ATF6: variants seen among roughly 807,000 people sequenced by gnomAD.
ATF6 encodes the protein cyclic AMP-dependent transcription factor ATF-6 alpha.
Under a neutral mutation model 83.6 loss-of-function variants are expected in ATF6, and 53 were observed. The ratio of observed to expected loss-of-function variants is 0.63; its 90% CI spans 0.51 to 0.80. The LOEUF is 0.80. ATF6 is among the 30% of genes least tolerant of loss of function. ATF6 has a pLI of 0.00. For synonymous variants in ATF6, 288 were observed against 285.8 expected (o/e 1.01, Z -0.08); for missense variants, 744 against 797.9 (o/e 0.93, Z 0.81).
chr1:161,870,564 GCTAGATCTTTGAGATCAGA>G (rs1029252616), intron 14 of ATF6, among the ~76,000 whole-genome samples: 3 of 151,722 alleles, frequency 2.0e-5, no homozygotes, highest in South Asian at 2.1e-4. Flanking sequence ...TATATGGCGT[GCTAGATCTTTGAGATCAGA>G]AGCATTTGAT....
At chr1:161,898,350 G>C (rs1400318993) in intron 14 of ATF6, among the ~76,000 whole-genome samples, 2 of 152,088 alleles carry the variant, frequency 1.3e-5, no homozygotes, top group Non-Finnish European at 2.9e-5. Context: ...CATGAATATT[G>C]AGACATTTAC....
intron 15 of ATF6, among the ~76,000 whole-genome samples, chr1:161,919,088 C>T (rs942956077): frequency 1.3e-5 from 2 of 152,000 alleles, no homozygotes; most frequent in Non-Finnish European, 2.9e-5. Flanking sequence ...TTCTCCATGC[C>T]AGTTTTATTT....
At chr1:161,814,142 C>T (rs1169892212) in intron 7 of ATF6, among the ~76,000 whole-genome samples, 1 of 152,172 alleles carries the variant, frequency 6.6e-6, no homozygotes, top group Non-Finnish European at 1.5e-5. Context: ...CCTTGGCCTC[C>T]CAAAGTGCTG....
At chr1:161,788,796 T>G (rs916962073) in intron 4 of ATF6, among the ~76,000 whole-genome samples, 3 of 152,164 alleles carry the variant, frequency 2.0e-5, no homozygotes, top group Non-Finnish European at 4.4e-5. Context: ...TTTTCCTAAC[T>G]GTATTGTCTT....
At chr1:161,823,135 TA>T (rs1685804730) in intron 9 of ATF6, among the ~76,000 whole-genome samples, 1 of 152,042 alleles carries the variant, frequency 6.6e-6, no homozygotes, top group Non-Finnish European at 1.5e-5. Flanking sequence ...GGTTTATATA[TA>T]CTGATATTTA....
intron 13 of ATF6, among the ~76,000 whole-genome samples, chr1:161,861,509 A>G (rs1488935217): frequency 6.6e-6 from 1 of 152,190 alleles, no homozygotes; most frequent in Non-Finnish European, 1.5e-5. Flanking sequence ...ATATCATTCA[A>G]TTACATTTAT....
rs909915635 is a variant in ATF6, at chr1:161,888,200, G to A, written c.1720-24096G>A. On this transcript the variant is annotated intron_variant, in intron 14 of 15. Coordinates refer to ENST00000367942, the MANE Select transcript of ATF6 (RefSeq NM_007348.4). Reference sequence around the variant, plus strand: ...AGAAAATAATTCCATATAAATGGCTGCATGAATCATTGAAAGAAACTTCCC... The same window carrying A: ...AGAAAATAATTCCATATAAATGGCTACATGAATCATTGAAAGAAACTTCCC... 3.9e-5 allele frequency among the ~76,000 whole-genome samples: 6 copies of A among 152,184 alleles called. No individual in the cohort carries two copies. In the South Asian group the frequency reaches 1.0e-3, roughly 26 times the overall value.
At chr1:161,857,193 C>T (rs1281421927) in intron 12 of ATF6, among the ~76,000 whole-genome samples, 1 of 152,124 alleles carries the variant, frequency 6.6e-6, no homozygotes, top group Non-Finnish European at 1.5e-5. Context: ...CTCATTTCAA[C>T]CTTTTTTTCT....
chr1:161,949,092 T>C (rs978598886), intron 15 of ATF6, among the ~76,000 whole-genome samples: 1 of 152,182 alleles, frequency 6.6e-6, no homozygotes, highest in Non-Finnish European at 1.5e-5. Flanking sequence ...ACAACCTGTC[T>C]CTCCTGAGGC....
intron 14 of ATF6, among the ~76,000 whole-genome samples, chr1:161,872,171 C>T (rs888937650): frequency 2.0e-5 from 3 of 151,432 alleles, no homozygotes; most frequent in Admixed American, 2.0e-4. Context: ...CCATTGTGAA[C>T]TCCAATAAGA....
intron 7 of ATF6, among the ~76,000 whole-genome samples, chr1:161,806,777 G>GA (rs966118324): frequency 7.2e-5 from 11 of 152,120 alleles, no homozygotes; most frequent in African/African-American, 2.4e-4. Flanking sequence ...GTGCTGGGGG[G>GA]AATCCTTTGC....
At chr1:161,892,628 C>CTTT (rs773642361) in intron 14 of ATF6, among the ~76,000 whole-genome samples, 11,934 of 124,468 alleles carry the variant, frequency 0.096, 924 homozygotes, top group East Asian at 0.28. Flanking sequence ...ACAGGTCATT[C>CTTT]TTTTTTTTTT....
At chr1:161,879,390 G>A (rs957862) in intron 14 of ATF6, among the ~76,000 whole-genome samples, 21,995 of 152,042 alleles carry the variant, frequency 0.14, 2,174 homozygotes, top group East Asian at 0.32. Context: ...CTCTGCAACA[G>A]AATGCCAGGT....
intron 1 of ATF6, among the ~76,000 whole-genome samples, chr1:161,772,888 C>G (rs1684421933): frequency 6.6e-6 from 1 of 151,412 alleles, no homozygotes; most frequent in Non-Finnish European, 1.5e-5. Context: ...TCCACGTTCA[C>G]TGACTCTAGT....
intron 6 of ATF6, 60 bp from the exon 7 acceptor site, chr1:161,801,992 C>A: frequency 6.5e-7 from 1 of 1,537,938 alleles, no homozygotes; most frequent in Non-Finnish European, 9.0e-7. Context: ...TAATTATAAG[C>A]TGCTTCCCCT....
At chr1:161,784,889 T>G (rs1017878642) in intron 4 of ATF6, among the ~76,000 whole-genome samples, 5 of 152,214 alleles carry the variant, frequency 3.3e-5, no homozygotes, top group African/African-American at 4.8e-5. Flanking sequence ...CAAACCTTTC[T>G]TAGCAGTGGA....
At chr1:161,956,734 A>G (rs1057061972) in intron 15 of ATF6, among the ~76,000 whole-genome samples, 2 of 152,376 alleles carry the variant, frequency 1.3e-5, no homozygotes, top group Non-Finnish European at 1.5e-5. Flanking sequence ...TTTATCATCA[A>G]TGAAGACTAT....
At position 161,895,222 on chromosome 1, in the gene ATF6, G is replaced by A. The variant is rs560076051; in HGVS notation, c.1720-17074G>A. ...ACTGCACTCCAGCTTGGCTGACAGA[G>A]TGAGAACCTGTGTCAAAAAAATAAA... On this transcript the variant is annotated intron_variant, in intron 14 of 15. Coordinates refer to ENST00000367942, the MANE Select transcript of ATF6 (RefSeq NM_007348.4). Among the ~76,000 whole-genome samples, 9 of 152,248 alleles carry A rather than the reference G, an allele frequency of 5.9e-5. No homozygotes were observed. In the East Asian group the frequency reaches 1.7e-3, roughly 29 times the overall value.
At chr1:161,920,359 A>C (rs1469396924) in intron 15 of ATF6, among the ~76,000 whole-genome samples, 1 of 121,212 alleles carries the variant, frequency 8.3e-6, no homozygotes, top group African/African-American at 3.2e-5. Context: ...CAGTGGCGCG[A>C]TCTTGGCTCG....
Sources: allele counts gnomAD v4.1 joint callset (sites outside exome capture counted in the v4.1 genomes callset), GRCh38; gene constraint gnomAD v4.1.1; transcripts MANE v1.5; gene names NCBI Gene and HGNC (gene_info 2026-07-23, HGNC 2026-07-21).